AGBL1: variants seen among roughly 807,000 people sequenced by gnomAD.
AGBL1 encodes the protein cytosolic carboxypeptidase 4.
A neutral mutation model predicts 118.9 loss-of-function variants in AGBL1; 130 were observed. That is an observed-to-expected ratio of 1.09 (90% CI 0.95 to 1.26). AGBL1 has a LOEUF of 1.26. Ranked by LOEUF, AGBL1 falls within the 50% of genes most tolerant of loss-of-function variation. The pLI is 0.00. For missense variants in AGBL1, 1,584 were observed against 1,298.1 expected (o/e 1.22, Z -3.38); for synonymous variants, 555 against 478.9 (o/e 1.16, Z -2.08).
rs947195235 is a variant in AGBL1 at position 86,523,066 on chromosome 15, G to A, written c.2685+127G>A. On this transcript the variant is annotated intron_variant, in intron 19 of 22. Transcript: ENST00000614907. ...CCTATGTATGACAAGATAGAATGGA[G>A]GATGCATGGTGCATTGACTTCCTGG... is the stretch of plus-strand genomic sequence containing the variant. The A allele has an allele frequency of 2.0e-5, 23 of 1,156,996 alleles. No homozygotes were observed. In the East Asian group the frequency reaches 4.0e-4, roughly 20 times the overall value. The allele number at this position is 1,156,996 out of a possible 1,614,324, so 71.7% of individuals were successfully genotyped here.
At chr15:86,135,983 A>G (rs1597441433) in intron 1 of AGBL1, among the ~76,000 whole-genome samples, 1 of 152,178 alleles carries the variant, frequency 6.6e-6, no homozygotes, top group East Asian at 1.9e-4. Flanking sequence ...TTATGCTGAA[A>G]AAGACATATG....
At chr15:86,463,353 G>T (rs2082357643) in intron 18 of AGBL1, among the ~76,000 whole-genome samples, 1 of 150,746 alleles carries the variant, frequency 6.6e-6, no homozygotes, top group African/African-American at 2.4e-5. Context: ...TTTGTCAGAT[G>T]GATAGATTGC....
intron 22 of AGBL1, among the ~76,000 whole-genome samples, chr15:86,816,582 A>G (rs1313423654): frequency 1.3e-5 from 2 of 152,212 alleles, no homozygotes; most frequent in Non-Finnish European, 2.9e-5. Flanking sequence ...TCATTTAAAA[A>G]TCATTTCAGG....
At chr15:86,292,487 A>G (rs566177840) in intron 16 of AGBL1, among the ~76,000 whole-genome samples, 2 of 152,308 alleles carry the variant, frequency 1.3e-5, no homozygotes, top group African/African-American at 2.4e-5. Context: ...CAGAACTATA[A>G]GATAATAAAT....
chr15:86,638,777 T>C (rs976483009), intron 21 of AGBL1, among the ~76,000 whole-genome samples: 2 of 152,152 alleles, frequency 1.3e-5, no homozygotes, highest in Non-Finnish European at 2.9e-5. Context: ...ACTGCAAAAC[T>C]CAGAGGCATA....
chr15:86,383,826 C>T (rs1221313949), intron 17 of AGBL1, among the ~76,000 whole-genome samples: 1 of 152,116 alleles, frequency 6.6e-6, no homozygotes, highest in Non-Finnish European at 1.5e-5. Flanking sequence ...TGTTCTAATA[C>T]TTTTTTTCAG....
At chr15:86,450,101 C>G (rs1410059171) in intron 18 of AGBL1, among the ~76,000 whole-genome samples, 1 of 152,144 alleles carries the variant, frequency 6.6e-6, no homozygotes, top group Admixed American at 6.5e-5. Context: ...GAACATTGGC[C>G]TGTTGAAAAT....
chr15:86,715,920 G>T (rs145148686), intron 22 of AGBL1, among the ~76,000 whole-genome samples: 1 of 151,786 alleles, frequency 6.6e-6, no homozygotes, highest in Admixed American at 6.6e-5. Context: ...TTAGTCAGGC[G>T]TGGTGGTGGG....
intron 18 of AGBL1, among the ~76,000 whole-genome samples, chr15:86,402,888 A>AAAACAAAC (rs112345064): frequency 2.6e-5 from 4 of 152,096 alleles, no homozygotes; most frequent in African/African-American, 7.3e-5. Context: ...GTTAAGTTCA[A>AAAACAAAC]AAACAAACAA....
intron 22 of AGBL1, among the ~76,000 whole-genome samples, chr15:86,829,783 T>A (rs2079078354): frequency 6.6e-6 from 1 of 152,052 alleles, no homozygotes; most frequent in Non-Finnish European, 1.5e-5. Context: ...TTTTAAAAAT[T>A]ATAATATTTA....
At chr15:86,312,522 T>C (rs1223163590) in intron 17 of AGBL1, 1 of 152,256 alleles carries the variant, frequency 6.6e-6, no homozygotes, top group Non-Finnish European at 1.5e-5. Flanking sequence ...CTTAAGCAAC[T>C]GTGCGCATTG....
chr15:86,764,381 G>A (rs909192042), intron 22 of AGBL1, among the ~76,000 whole-genome samples: 5 of 151,982 alleles, frequency 3.3e-5, no homozygotes, highest in African/African-American at 1.2e-4. Flanking sequence ...GGGGTTATTA[G>A]GAAGGCAAGA....
chr15:86,693,957 C>A (rs1257773667), intron 22 of AGBL1, among the ~76,000 whole-genome samples: 1 of 151,948 alleles, frequency 6.6e-6, no homozygotes, highest in Non-Finnish European at 1.5e-5. Context: ...GGTCTATGTA[C>A]CTATTTTTAT....
intron 5 of AGBL1, among the ~76,000 whole-genome samples, chr15:86,178,754 A>G (rs933592039): frequency 6.6e-6 from 1 of 152,370 alleles, no homozygotes; most frequent in South Asian, 2.1e-4. Flanking sequence ...TTACCCTGAT[A>G]CCAAAAGCAG....
At chr15:86,765,741 G>A (rs963402914) in intron 22 of AGBL1, among the ~76,000 whole-genome samples, 9 of 151,856 alleles carry the variant, frequency 5.9e-5, no homozygotes, top group Non-Finnish European at 8.8e-5. Context: ...TGGCAGTGTA[G>A]ATGTTATCTT....
In AGBL1 at chr15:86,142,087, A is replaced by T; in HGVS notation, c.115+20A>T. 2 of 1,548,922 alleles carry T rather than the reference A, an allele frequency of 1.3e-6. No homozygotes were observed. Among genetic ancestry groups the T allele is most frequent in the Non-Finnish European group, 1.7e-6 (2 of 1,146,056 alleles). ...CTGTTGGTGAGTAGGCCATGCTCTC[A>T]TGCTTTCATATGGCGGATGTGGAGC... On this transcript the variant is annotated intron_variant, in intron 2 of 22. Transcript: ENST00000614907.
At chr15:87,004,979 G>C (rs1422275991) in intron 24 of AGBL1, among the ~76,000 whole-genome samples, 1 of 152,156 alleles carries the variant, frequency 6.6e-6, no homozygotes, top group Non-Finnish European at 1.5e-5. Context: ...GAAATTCTGG[G>C]TTGAAAATTA....
intron 22 of AGBL1, among the ~76,000 whole-genome samples, chr15:86,692,036 A>G (rs2086181074): frequency 6.6e-6 from 1 of 152,108 alleles, no homozygotes; most frequent in East Asian, 1.9e-4. Context: ...AGGTTTCTTA[A>G]GCTCGACAAC....
intron 22 of AGBL1, among the ~76,000 whole-genome samples, chr15:86,847,635 C>T (rs1248244897): frequency 2.0e-5 from 3 of 152,188 alleles, no homozygotes; most frequent in Non-Finnish European, 4.4e-5. Flanking sequence ...TCTAACAAGT[C>T]TCTACCCTCT....
Sources: allele counts gnomAD v4.1 joint callset (sites outside exome capture counted in the v4.1 genomes callset), GRCh38; gene constraint gnomAD v4.1.1; transcripts MANE v1.5; gene names NCBI Gene and HGNC (gene_info 2026-07-23, HGNC 2026-07-21).